ATF6: variants seen among roughly 807,000 people sequenced by gnomAD.
ATF6 encodes the protein activating transcription factor 6, also known as cyclic AMP-dependent transcription factor ATF-6 alpha.
ATF6 carries 53 observed loss-of-function variants against 83.6 expected under a neutral mutation model. The ratio of observed to expected loss-of-function variants is 0.63; its 90% CI spans 0.51 to 0.80. The LOEUF is 0.80. Among genes scored for constraint, ATF6 ranks in the 30% least tolerant of loss-of-function variants. The pLI is 0.00. For synonymous variants in ATF6, 288 were observed against 285.8 expected (o/e 1.01, Z -0.08); for missense variants, 744 against 797.9 (o/e 0.93, Z 0.81).
At chr1:161,828,372 T>C (rs1685957192) in intron 9 of ATF6, among the ~76,000 whole-genome samples, 1 of 152,052 alleles carries the variant, frequency 6.6e-6, no homozygotes, top group South Asian at 2.1e-4. Context: ...CCAGAAATAA[T>C]AAAAGATAAG....
At chr1:161,846,199 C>T (rs1285046546) in intron 9 of ATF6, among the ~76,000 whole-genome samples, 3 of 152,106 alleles carry the variant, frequency 2.0e-5, no homozygotes, top group Non-Finnish European at 2.9e-5. Flanking sequence ...ATATAGAACA[C>T]TACTATTGTT....
At chr1:161,770,178 G>GTA (rs1370829280) in intron 1 of ATF6, among the ~76,000 whole-genome samples, 2 of 152,120 alleles carry the variant, frequency 1.3e-5, no homozygotes, top group African/African-American at 4.8e-5. Flanking sequence ...CATACAGTAT[G>GTA]TAGCATTTTT....
At chr1:161,850,669 T>G (rs541225090) in intron 10 of ATF6, among the ~76,000 whole-genome samples, 27 of 152,310 alleles carry the variant, frequency 1.8e-4, no homozygotes, top group South Asian at 8.3e-4. Context: ...GGTGCACAGT[T>G]GGTATGCAGC....
intron 13 of ATF6, among the ~76,000 whole-genome samples, chr1:161,861,115 A>T (rs914212360): frequency 5.3e-5 from 8 of 152,194 alleles, no homozygotes; most frequent in Admixed American, 5.2e-4. Flanking sequence ...ATGGTACATA[A>T]GTGCCCCCCA....
chr1:161,829,207 T>TTTTTTTTG (rs1490502180), intron 9 of ATF6, among the ~76,000 whole-genome samples: 1 of 145,638 alleles, frequency 6.9e-6, no homozygotes. Flanking sequence ...TTTTTTTTTT[T>TTTTTTTTG]TTTTTTTGGT....
At chr1:161,844,028 G>T (rs1311427595) in intron 9 of ATF6, among the ~76,000 whole-genome samples, 3 of 152,152 alleles carry the variant, frequency 2.0e-5, no homozygotes, top group Admixed American at 6.5e-5. Context: ...TGTGTGAAAG[G>T]ACTTAGGGTT....
chr1:161,858,142 A>G (rs1686805655), intron 12 of ATF6, among the ~76,000 whole-genome samples: 1 of 152,104 alleles, frequency 6.6e-6, no homozygotes, highest in Non-Finnish European at 1.5e-5. Flanking sequence ...TAAAAAGACA[A>G]TGTAAGAAAT....
At chr1:161,901,680 A>G (rs1477109567) in intron 14 of ATF6, among the ~76,000 whole-genome samples, 3 of 152,164 alleles carry the variant, frequency 2.0e-5, no homozygotes, top group Admixed American at 6.5e-5. Flanking sequence ...TGCAAAGGGA[A>G]GGAGTACTTT....
At chr1:161,899,482 G>A (rs1485563801) in intron 14 of ATF6, among the ~76,000 whole-genome samples, 2 of 152,014 alleles carry the variant, frequency 1.3e-5, no homozygotes, top group African/African-American at 4.8e-5. Flanking sequence ...CGAACATAAT[G>A]TTTTTATTTA....
rs918896114 is a variant in ATF6 at position 161,790,007 on chromosome 1, AT to A, written c.355-1392del. Among the ~76,000 whole-genome samples the A allele has an allele frequency of 2.5e-3, 379 of 151,626 alleles. 3 individuals are homozygous for A. The highest frequency in any genetic ancestry group is 3.0e-3 in the Non-Finnish European group (202 of 67,818). On this transcript the variant is annotated intron_variant, in intron 4 of 15. Coordinates refer to ENST00000367942, the MANE Select transcript of ATF6 (RefSeq NM_007348.4). ...CCCATATCCTCTCAAGGTCATTTAA[AT>A]TTTTTTTTATGATAAAAAAAGTTTA...
intron 15 of ATF6, among the ~76,000 whole-genome samples, chr1:161,942,751 C>T (rs962106641): frequency 3.9e-5 from 6 of 152,190 alleles, no homozygotes; most frequent in Admixed American, 2.6e-4. Context: ...GCTACTACTC[C>T]GACCTTCCAA....
intron 15 of ATF6, among the ~76,000 whole-genome samples, chr1:161,950,532 G>A (rs1336119273): frequency 6.6e-6 from 1 of 152,196 alleles, no homozygotes; most frequent in Non-Finnish European, 1.5e-5. Flanking sequence ...TTGAATTTCA[G>A]ATTGTGACAT....
chr1:161,909,402 G>A (rs560600751), intron 14 of ATF6, among the ~76,000 whole-genome samples: 1 of 152,192 alleles, frequency 6.6e-6, no homozygotes, highest in South Asian at 2.1e-4. Flanking sequence ...GCCTTATTTG[G>A]TTGCAAAGGA....
intron 12 of ATF6, among the ~76,000 whole-genome samples, chr1:161,858,815 T>C (rs1022812766): frequency 6.6e-6 from 1 of 152,200 alleles, no homozygotes; most frequent in African/African-American, 2.4e-5. Flanking sequence ...AAATCTTGGA[T>C]AGGTAAACGG....
chr1:161,891,384 A>C (rs971359740), intron 14 of ATF6: 3 of 152,212 alleles, frequency 2.0e-5, no homozygotes, highest in Non-Finnish European at 2.9e-5. Flanking sequence ...CAGGGTGTCT[A>C]TCCAGGAAGA....
At chr1:161,863,566 A>G (rs1370431067) in intron 14 of ATF6, among the ~76,000 whole-genome samples, 1 of 152,190 alleles carries the variant, frequency 6.6e-6, no homozygotes, top group Non-Finnish European at 1.5e-5. Flanking sequence ...GTTGATTTTT[A>G]TTGTTTGTAA....
At chr1:161,849,272 A>C (rs1401824077) in intron 10 of ATF6, among the ~76,000 whole-genome samples, 1 of 152,164 alleles carries the variant, frequency 6.6e-6, no homozygotes, top group South Asian at 2.1e-4. Flanking sequence ...GTGCACCAAC[A>C]TGTCTGTTTT....
chr1:161,882,994 G>A (rs764890481), intron 14 of ATF6, among the ~76,000 whole-genome samples: 2 of 151,786 alleles, frequency 1.3e-5, no homozygotes, highest in Non-Finnish European at 3.0e-5. Flanking sequence ...AGAGGAGTTT[G>A]TTTTCATTAG....
chr1:161,770,382 G>A (rs573464409), intron 1 of ATF6, among the ~76,000 whole-genome samples: 3 of 152,278 alleles, frequency 2.0e-5, no homozygotes, highest in East Asian at 3.9e-4. Flanking sequence ...AGACTGCGTG[G>A]TTTAAACAAT....
Sources: gnomAD v4.1 joint callset for allele counts (sites outside exome capture counted in the v4.1 genomes callset) on GRCh38, gnomAD v4.1.1 for gene constraint, MANE v1.5 for transcripts, NCBI Gene and HGNC (gene_info 2026-07-23, HGNC 2026-07-21) for gene names.